The following FER variants were observed in gnomAD, a reference collection of about 807,000 sequenced individuals.
FER encodes the protein FER tyrosine kinase, also known as tyrosine-protein kinase Fer.
A neutral mutation model predicts 111.0 loss-of-function variants in FER; 63 were observed. The ratio of observed to expected loss-of-function variants is 0.57; its 90% confidence interval spans 0.46 to 0.70. The LOEUF (loss-of-function observed/expected upper bound fraction) is 0.70. FER is among the 30% of genes least tolerant of loss of function. The pLI is 0.00. For synonymous variants in FER, 327 were observed against 313.9 expected, an observed-to-expected ratio of 1.04 and a Z score of -0.44; for missense variants, 914 against 954.0, an observed-to-expected ratio of 0.96 and a Z score of 0.55.
chr5:108,879,701 A>AAAAAATATATATATATATATAT, intron 8 of FER, among the ~76,000 whole-genome samples: 1 of 99,092 alleles, frequency 1.0e-5, no homozygotes, highest in Non-Finnish European at 2.0e-5. Context: ...ATTAAAAAAA[A>AAAAAATATATATATATATATAT]ATATATATAT....
At chr5:109,041,380 T>A (rs1771155192) in intron 14 of FER, among the ~76,000 whole-genome samples, 1 of 151,426 alleles carries the variant, frequency 6.6e-6, no homozygotes, top group Admixed American at 6.6e-5. Context: ...AATAAAAGAA[T>A]GACGTAAAAA....
intron 8 of FER, among the ~76,000 whole-genome samples, chr5:108,875,127 G>T (rs1021087843): frequency 3.3e-5 from 5 of 151,960 alleles, no homozygotes; most frequent in Non-Finnish European, 7.4e-5. Context: ...TATTTATCAA[G>T]GTCTAAATAC....
At chr5:109,150,855 C>G (rs764262933) in intron 17 of FER, among the ~76,000 whole-genome samples, 8 of 152,012 alleles carry the variant, frequency 5.3e-5, no homozygotes, top group Non-Finnish European at 1.2e-4. Flanking sequence ...GATTAGAGCC[C>G]TTTGCAAATT....
chr5:108,914,712 A>G (rs1752032334), intron 10 of FER, among the ~76,000 whole-genome samples: 1 of 152,188 alleles, frequency 6.6e-6, no homozygotes, highest in Non-Finnish European at 1.5e-5. Flanking sequence ...CTTTATTCTG[A>G]TAGGCAGGCT....
At chr5:108,804,700 A>G (rs1757017729) in intron 3 of FER, among the ~76,000 whole-genome samples, 1 of 152,144 alleles carries the variant, frequency 6.6e-6, no homozygotes. Flanking sequence ...GATCATGATG[A>G]ATTAATTTTT....
intron 10 of FER, among the ~76,000 whole-genome samples, chr5:108,931,493 G>C (rs1754670072): frequency 6.6e-6 from 1 of 152,014 alleles, no homozygotes; most frequent in Non-Finnish European, 1.5e-5. Context: ...AATGAAAAAA[G>C]TTTGTGATCA....
At chr5:108,829,746 C>G (rs868733376) in intron 3 of FER, among the ~76,000 whole-genome samples, 1 of 152,114 alleles carries the variant, frequency 6.6e-6, no homozygotes, top group South Asian at 2.1e-4. Context: ...TTCCCTCTTT[C>G]CCTCCCTCTT....
intron 13 of FER, among the ~76,000 whole-genome samples, chr5:108,977,822 A>G (rs1183972267): frequency 6.6e-6 from 1 of 152,084 alleles, no homozygotes; most frequent in African/African-American, 2.4e-5. Context: ...TGGGTCAGAC[A>G]CTTGTGAAGC....
chr5:108,825,539 C>G (rs1470089722), intron 3 of FER, among the ~76,000 whole-genome samples: 1 of 152,112 alleles, frequency 6.6e-6, no homozygotes, highest in Non-Finnish European at 1.5e-5. Context: ...TTTCATATTG[C>G]TCAAACACAC....
intron 3 of FER, among the ~76,000 whole-genome samples, chr5:108,810,665 C>T (rs1324594834): frequency 6.6e-6 from 1 of 152,178 alleles, no homozygotes; most frequent in Non-Finnish European, 1.5e-5. Flanking sequence ...AATGGTGGGG[C>T]AGGTCAGGTT....
At position 108,869,979 on chromosome 5, in the gene FER, A is replaced by G. The variant is rs1005037717; in HGVS notation, c.666-1386A>G. On this transcript the variant is annotated intron_variant, in intron 6 of 19. Transcript: ENST00000281092. The stretch of plus-strand genomic sequence containing the variant: ...AAAATAGTGAAATGTCTAGTTAAAT[A>G]TTTGATTCATAGATTTACTTATCTC... 3.9e-5 allele frequency among the ~76,000 whole-genome samples: 6 copies of G among 152,144 alleles called. 1 individual carries two copies. The highest frequency in any genetic ancestry group is 7.4e-5 in the Non-Finnish European group (5 of 67,984).
intron 10 of FER, among the ~76,000 whole-genome samples, chr5:108,923,824 C>A (rs547268386): frequency 6.6e-6 from 1 of 151,878 alleles, no homozygotes; most frequent in Non-Finnish European, 1.5e-5. Context: ...AATTTATATT[C>A]TTTTCCTTTG....
chr5:108,750,128 T>C (rs911874216), intron 1 of FER, among the ~76,000 whole-genome samples: 2 of 152,240 alleles, frequency 1.3e-5, no homozygotes, highest in Non-Finnish European at 2.9e-5. Flanking sequence ...TCTCCAGATA[T>C]GTTAAGATAA....
At chr5:108,770,732 G>C (rs1428926344) in intron 2 of FER, among the ~76,000 whole-genome samples, 3 of 152,062 alleles carry the variant, frequency 2.0e-5, no homozygotes, top group Non-Finnish European at 4.4e-5. Flanking sequence ...AACCTCACTT[G>C]AAAGCATCTA....
At chr5:108,911,556 G>T (rs1210343767) in intron 10 of FER, among the ~76,000 whole-genome samples, 2 of 152,090 alleles carry the variant, frequency 1.3e-5, no homozygotes, top group African/African-American at 2.4e-5. Context: ...ATGTCTGGAA[G>T]AGTGTTTCTT....
At chr5:109,123,971 T>G (rs1400883119) in intron 17 of FER, among the ~76,000 whole-genome samples, 1 of 152,202 alleles carries the variant, frequency 6.6e-6, no homozygotes, top group African/African-American at 2.4e-5. Context: ...GGCTCATGCC[T>G]GTAATCCCAG....
At chr5:108,756,642 A>G (rs1376030912) in intron 1 of FER, among the ~76,000 whole-genome samples, 4 of 152,104 alleles carry the variant, frequency 2.6e-5, no homozygotes, top group Non-Finnish European at 5.9e-5. Context: ...TTAATATACT[A>G]TATAATTAAT....
chr5:108,827,221 T>G (rs913793692), intron 3 of FER, among the ~76,000 whole-genome samples: 2 of 152,136 alleles, frequency 1.3e-5, no homozygotes, highest in Admixed American at 6.5e-5. Flanking sequence ...TTCAACACTT[T>G]TGGAAAAGCT....
chr5:108,844,043 T>TATATGTGTGTGAAC (rs1561499872), intron 5 of FER, among the ~76,000 whole-genome samples: 4,757 of 99,722 alleles, frequency 0.048, 204 homozygotes, highest in African/African-American at 0.062. Context: ...TGTGTGAACA[T>TATATGTGTGTGAAC]ATATATGTGT....
Sources: allele counts gnomAD v4.1 joint callset (sites outside exome capture counted in the v4.1 genomes callset), GRCh38; gene constraint gnomAD v4.1.1; transcripts MANE v1.5; gene names NCBI Gene and HGNC (gene_info 2026-07-23, HGNC 2026-07-21).